The following OPHN1 variants were observed in gnomAD, a reference collection of about 807,000 sequenced individuals.
The protein encoded by OPHN1 is oligophrenin 1, also known as oligophrenin-1.
OPHN1 carries 11 observed loss-of-function variants against 60.7 expected under a neutral mutation model. The observed-to-expected ratio is 0.18, with a 90% CI of 0.11 to 0.30. The LOEUF is 0.30. Among genes scored for constraint, OPHN1 ranks in the 10% least tolerant of loss-of-function variants. OPHN1 has a pLI of 1.00. For synonymous variants in OPHN1, 226 were observed against 222.6 expected, an observed-to-expected ratio of 1.02 and a Z score of -0.14; for missense variants, 449 against 611.0, an observed-to-expected ratio of 0.73 and a Z score of 2.80.
intron 20 of OPHN1, among the ~76,000 whole-genome samples, chrX:68,066,756 G>A (rs2076914514): frequency 9.0e-6 from 1 of 111,710 alleles, no homozygotes; most frequent in South Asian, 3.8e-4. Context: ...TAAGACACCC[G>A]CAGTCTCCAT....
At position 68,270,461 on chromosome X, in the gene OPHN1, C is replaced by T. The variant is rs774561691; in HGVS notation, c.384+4277G>A. On this transcript the variant is annotated intron_variant, in intron 5 of 24. Transcript: ENST00000355520. The stretch of plus-strand genomic sequence containing the variant: ...GTGGGGACATGGATGAAGCTGGAAA[C>T]CATTATTCTCAGCAAATTATCACAA... Among the ~76,000 whole-genome samples the T allele has an allele frequency of 2.8e-5, 3 of 108,402 alleles. No individual in the cohort carries two copies. In the East Asian group the frequency reaches 8.9e-4, roughly 32 times the overall value. The allele number at this position is 108,402 out of a possible 115,157, so 94.1% of individuals were successfully genotyped here.
chrX:68,252,194 G>A (rs1012128142), intron 5 of OPHN1, among the ~76,000 whole-genome samples: 2 of 111,294 alleles, frequency 1.8e-5, no homozygotes, highest in South Asian at 7.6e-4. Flanking sequence ...AAGCCCCATC[G>A]AACCTAATTG....
At chrX:68,132,124 T>C (rs1342385837) in intron 15 of OPHN1, among the ~76,000 whole-genome samples, 2 of 112,076 alleles carry the variant, frequency 1.8e-5, no homozygotes, top group African/African-American at 3.2e-5. Context: ...GGGTTTGTCA[T>C]AGATAGCTCT....
intron 20 of OPHN1, among the ~76,000 whole-genome samples, chrX:68,072,238 A>C (rs1025511945): frequency 2.7e-5 from 3 of 112,356 alleles, no homozygotes; most frequent in Non-Finnish European, 3.8e-5. Context: ...GTTGAGCAGG[A>C]AATTTGATAT....
chrX:68,111,794 C>T, intron 18 of OPHN1, 60 bp downstream of exon 18: 3 of 813,813 alleles, frequency 3.7e-6, no homozygotes, highest in Non-Finnish European at 5.6e-6. Context: ...TCTGTGTAGT[C>T]CAACCACATG....
intron 22 of OPHN1, 88 bp from the exon 23 acceptor site, chrX:68,052,678 A>C: frequency 2.5e-6 from 2 of 808,902 alleles, no homozygotes; most frequent in Non-Finnish European, 3.7e-6. Context: ...GAGACTCTGA[A>C]CCAGATGGGA....
At chrX:68,048,597 A>C in intron 23 of OPHN1, 140 bp from the exon 24 acceptor site, 2 of 530,589 alleles carry the variant, frequency 3.8e-6, no homozygotes. Context: ...CAGATGTTTC[A>C]AAACATTTAG....
intron 7 of OPHN1, among the ~76,000 whole-genome samples, chrX:68,212,568 G>C (rs915856785): frequency 9.0e-6 from 1 of 111,428 alleles, no homozygotes; most frequent in Non-Finnish European, 1.9e-5. Flanking sequence ...CTGGGACAGA[G>C]TGAGACTGTC....
chrX:68,277,683 C>T (rs1485238320), intron 4 of OPHN1, among the ~76,000 whole-genome samples: 1 of 111,061 alleles, frequency 9.0e-6, no homozygotes, highest in Admixed American at 9.6e-5. Context: ...CCCAGCTACT[C>T]GGGAGGCTGA....
At chrX:68,343,130 T>C (rs1192915743) in intron 2 of OPHN1, among the ~76,000 whole-genome samples, 2 of 106,441 alleles carry the variant, frequency 1.9e-5, no homozygotes, top group African/African-American at 6.9e-5. Flanking sequence ...AAAAATTAGC[T>C]AGGCATGGTG....
intron 2 of OPHN1, among the ~76,000 whole-genome samples, chrX:68,336,899 C>G (rs2078326307): frequency 9.1e-6 from 1 of 110,009 alleles, no homozygotes; most frequent in Admixed American, 9.9e-5. Flanking sequence ...ACCAAAAATA[C>G]AAAAAGAAAA....
intron 2 of OPHN1, among the ~76,000 whole-genome samples, chrX:68,410,861 TG>T (rs1292585649): frequency 4.5e-5 from 5 of 111,654 alleles, no homozygotes; most frequent in Non-Finnish European, 9.4e-5. Flanking sequence ...AGCCAAAAAG[TG>T]GAAGCAACCT....
At chrX:68,068,847 T>C (rs889603906) in intron 20 of OPHN1, among the ~76,000 whole-genome samples, 1 of 111,991 alleles carries the variant, frequency 8.9e-6, no homozygotes, top group Non-Finnish European at 1.9e-5. Flanking sequence ...CCACATATTC[T>C]ATAATTATAT....
rs144545796 is a variant in OPHN1 at position 68,061,865 on chromosome X, C to T, written c.2158+1989G>A. Among the ~76,000 whole-genome samples the T allele has an allele frequency of 7.4e-3, 829 of 111,406 alleles. 4 individuals carry two copies. The highest frequency in any genetic ancestry group is 0.026 in the African/African-American group (805 of 30,619). ...ATTGTACTGGACCCCCTCCCATCCG[C>T]ACACTGAATAGCTTTTACTAAATTG... is the stretch of plus-strand genomic sequence containing the variant. On this transcript the variant is annotated intron_variant, in intron 21 of 24. Coordinates refer to ENST00000355520, the MANE Select transcript of OPHN1 (RefSeq NM_002547.3).
intron 4 of OPHN1, among the ~76,000 whole-genome samples, chrX:68,278,260 T>G (rs1272826981): frequency 8.9e-6 from 1 of 112,319 alleles, no homozygotes; most frequent in Non-Finnish European, 1.9e-5. Context: ...CATTGAGGAT[T>G]TCCTCTTTTT....
intron 6 of OPHN1, among the ~76,000 whole-genome samples, chrX:68,221,778 G>C (rs1382799947): frequency 1.0e-5 from 1 of 95,835 alleles, no homozygotes; most frequent in African/African-American, 3.7e-5. Flanking sequence ...AAAATCAATT[G>C]AAGATGGATT....
intron 8 of OPHN1, among the ~76,000 whole-genome samples, chrX:68,210,895 A>G (rs963419179): frequency 1.8e-5 from 2 of 111,731 alleles, no homozygotes; most frequent in Non-Finnish European, 1.9e-5. Context: ...ATAAGTTTTT[A>G]GTACCCAGTC....
chrX:68,195,797 C>G (rs762944521), intron 12 of OPHN1, among the ~76,000 whole-genome samples: 2 of 111,752 alleles, frequency 1.8e-5, no homozygotes, highest in Non-Finnish European at 3.8e-5. Flanking sequence ...GCCTTTTCTG[C>G]TACTTTTCTA....
intron 14 of OPHN1, among the ~76,000 whole-genome samples, chrX:68,193,298 C>A (rs2077497122): frequency 8.9e-6 from 1 of 111,920 alleles, no homozygotes; most frequent in South Asian, 3.7e-4. Flanking sequence ...GAAAGAAGTT[C>A]ATTCAATTGA....
Sources: allele counts gnomAD v4.1 joint callset (sites outside exome capture counted in the v4.1 genomes callset), GRCh38; gene constraint gnomAD v4.1.1; transcripts MANE v1.5; gene names NCBI Gene and HGNC (gene_info 2026-07-23, HGNC 2026-07-21).